The following SPIDR variants were observed in gnomAD, a reference collection of about 807,000 sequenced individuals.
The protein encoded by SPIDR is DNA repair-scaffolding protein.
A neutral mutation model predicts 104.6 loss-of-function variants in SPIDR; 93 were observed. The observed-to-expected ratio is 0.89, with a 90% CI of 0.75 to 1.06. The LOEUF is 1.06. SPIDR is among the 50% of genes least tolerant of loss of function. The pLI, the probability that SPIDR is intolerant of heterozygous loss-of-function variation, is 0.00. For synonymous variants in SPIDR, 431 were observed against 416.9 expected (o/e 1.03, Z -0.41); for missense variants, 1,154 against 1,111.2 (o/e 1.04, Z -0.55).
At chr8:47,688,357 C>T (rs999562722) in intron 11 of SPIDR, 1 of 151,950 alleles carries the variant, frequency 6.6e-6, no homozygotes, top group Admixed American at 6.6e-5. Flanking sequence ...CTCCTGACCT[C>T]GAGATCCGCC....
At chr8:47,264,692 C>T (rs1165184318) in intron 1 of SPIDR, among the ~76,000 whole-genome samples, 4 of 151,706 alleles carry the variant, frequency 2.6e-5, no homozygotes, top group Admixed American at 2.6e-4. Context: ...TGCAGTGGCC[C>T]GATCTCGGCT....
chr8:47,582,696 C>T (rs1368911680), intron 8 of SPIDR, among the ~76,000 whole-genome samples: 1 of 152,052 alleles, frequency 6.6e-6, no homozygotes, highest in Non-Finnish European at 1.5e-5. Context: ...ACAATATTCT[C>T]TATTTTTTAA....
chr8:47,562,993 T>G (rs2057272181), intron 8 of SPIDR, among the ~76,000 whole-genome samples: 1 of 152,136 alleles, frequency 6.6e-6, no homozygotes, highest in Non-Finnish European at 1.5e-5. Flanking sequence ...TTCCCAGTAT[T>G]TAGAATCACT....
At chr8:47,654,192 TAGCAGCAACCTGCAGGAGGG>T in intron 10 of SPIDR, 1 of 1,287,332 alleles carries the variant, frequency 7.8e-7, no homozygotes, top group Non-Finnish European at 1.0e-6. Context: ...AGGAGCACTG[TAGCAGCAACCTGCAGGAGGG>T]GTTAGAAGAA....
chr8:47,424,510 G>A (rs142879043), intron 7 of SPIDR, among the ~76,000 whole-genome samples: 68 of 152,160 alleles, frequency 4.5e-4, no homozygotes, highest in Non-Finnish European at 9.0e-4. Flanking sequence ...CAGAAATGGA[G>A]TCTTCCTATG....
intron 8 of SPIDR, among the ~76,000 whole-genome samples, chr8:47,595,586 T>TA (rs2061551951): frequency 6.6e-6 from 1 of 152,210 alleles, no homozygotes; most frequent in Admixed American, 6.5e-5. Context: ...CCCAGGGACT[T>TA]AGCCTTCTTC....
intron 11 of SPIDR, among the ~76,000 whole-genome samples, chr8:47,677,761 A>C (rs1207959564): frequency 6.6e-6 from 1 of 152,224 alleles, no homozygotes; most frequent in Non-Finnish European, 1.5e-5. Flanking sequence ...CTGATCTCAG[A>C]AGGTTTCATG....
intron 11 of SPIDR, chr8:47,688,690 C>T (rs1482255579): frequency 6.6e-6 from 1 of 152,342 alleles, no homozygotes; most frequent in African/African-American, 2.4e-5. Context: ...TGTGTATCCC[C>T]TAGGGCACAG....
intron 8 of SPIDR, among the ~76,000 whole-genome samples, chr8:47,494,804 ACT>A: frequency 6.6e-6 from 1 of 152,172 alleles, no homozygotes; most frequent in African/African-American, 2.4e-5. Flanking sequence ...GATTTCTTTC[ACT>A]CTCACTCAGC....
chr8:47,563,286 C>T (rs1011966736), intron 8 of SPIDR, among the ~76,000 whole-genome samples: 11 of 152,132 alleles, frequency 7.2e-5, no homozygotes, highest in South Asian at 2.1e-4. Flanking sequence ...CCTCCTGCCT[C>T]GGCTCACCAA....
intron 11 of SPIDR, among the ~76,000 whole-genome samples, chr8:47,692,355 T>C (rs1210611297): frequency 6.6e-6 from 1 of 152,110 alleles, no homozygotes; most frequent in Non-Finnish European, 1.5e-5. Context: ...CTCCTCTGCT[T>C]TCCGTCTCTG....
intron 17 of SPIDR, among the ~76,000 whole-genome samples, chr8:47,727,916 A>G (rs1448145631): frequency 6.6e-6 from 1 of 151,964 alleles, no homozygotes; most frequent in Non-Finnish European, 1.5e-5. Context: ...AAGGAGATCC[A>G]GACCATCCTG....
At position 47,673,855 on chromosome 8, in the gene SPIDR, G is replaced by T. The variant is rs369426370; in HGVS notation, c.1599G>T (p.Glu533Asp). ...GAATGTTCGGTGAAGTGCACTTGGA[G>T]TTCACCATGTCGAAGGCAAGACAGT... ...ACGMFGEVHL[E>D]FTMSKARQLE... The change falls in exon 11 of 20, where the codon GAG becomes GAT. Residue 533 changes from glutamate to aspartate, a missense_variant. Glu to Asp is a conservative substitution (Grantham distance 45). Coordinates refer to ENST00000297423, the MANE Select transcript of SPIDR (RefSeq NM_001080394.4). 2 of 1,614,044 alleles carry T rather than the reference G, an allele frequency of 1.2e-6. No individual in the cohort carries two copies. The highest frequency in any genetic ancestry group is 1.7e-6 in the Non-Finnish European group (2 of 1,180,038).
intron 8 of SPIDR, among the ~76,000 whole-genome samples, chr8:47,487,469 A>G (rs1385747384): frequency 6.6e-6 from 1 of 152,200 alleles, no homozygotes; most frequent in East Asian, 1.9e-4. Flanking sequence ...TAAAAAGGAT[A>G]TCCAGGAATT....
rs529744186 is a variant in SPIDR at position 47,483,208 on chromosome 8, T to C, written c.1097+42666T>C. On this transcript the variant is annotated intron_variant, in intron 8 of 19. Transcript: ENST00000297423. Reference sequence around the variant, plus strand: ...TTTATTTTACGCTTGGGGTTGTCTTTTTAAAACTTTCTTTTATTCTTTTAT... The same window carrying C: ...TTTATTTTACGCTTGGGGTTGTCTTCTTAAAACTTTCTTTTATTCTTTTAT... Among the ~76,000 whole-genome samples, 35 of 152,334 alleles carry C rather than the reference T, an allele frequency of 2.3e-4. No homozygotes were observed. In the South Asian group the frequency reaches 5.0e-3, roughly 22 times the overall value.
chr8:47,462,802 C>T (rs2074156368), intron 8 of SPIDR, among the ~76,000 whole-genome samples: 1 of 152,068 alleles, frequency 6.6e-6, no homozygotes, highest in African/African-American at 2.4e-5. Context: ...TTGCAGAAGT[C>T]AGCAAAATAG....
chr8:47,369,693 G>C (rs1554637339), intron 5 of SPIDR, among the ~76,000 whole-genome samples: 1 of 152,220 alleles, frequency 6.6e-6, no homozygotes, highest in African/African-American at 2.4e-5. Context: ...TAGGCAGTTG[G>C]TGTTCTGAAT....
chr8:47,620,552 G>A (rs559022217), intron 10 of SPIDR, among the ~76,000 whole-genome samples: 1 of 151,302 alleles, frequency 6.6e-6, no homozygotes, highest in East Asian at 2.0e-4. Flanking sequence ...ACAGGGATGA[G>A]CCACCGCACC....
intron 14 of SPIDR, among the ~76,000 whole-genome samples, chr8:47,702,752 G>A (rs540574251): frequency 5.3e-5 from 8 of 152,312 alleles, no homozygotes; most frequent in South Asian, 2.1e-4. Context: ...AATGTGCACC[G>A]GGTGCATCTG....
Sources: allele counts gnomAD v4.1 joint callset (sites outside exome capture counted in the v4.1 genomes callset), GRCh38; gene constraint gnomAD v4.1.1; transcripts MANE v1.5; gene names NCBI Gene and HGNC (gene_info 2026-07-23, HGNC 2026-07-21).